Variants in WNT9A observed in about 807,000 individuals in gnomAD.
WNT9A encodes Wnt family member 9A.
In WNT9A, 8 loss-of-function variants were observed where a neutral mutation model predicts 31.4. The ratio of observed to expected loss-of-function variants is 0.26; its 90% CI spans 0.15 to 0.46. The LOEUF (loss-of-function observed/expected upper bound fraction) is 0.46, where lower values mean the gene tolerates loss of function less well. Among genes scored for constraint, WNT9A ranks in the 20% least tolerant of loss-of-function variants. The pLI, the probability that WNT9A is intolerant of heterozygous loss-of-function variation, is 0.99. For synonymous variants in WNT9A, 236 were observed against 220.1 expected, an observed-to-expected ratio of 1.07 and a Z score of -0.64; for missense variants, 457 against 522.9, an observed-to-expected ratio of 0.87 and a Z score of 1.23.
chr1:227,940,112 A>G (rs1197646014), intron 1 of WNT9A, among the ~76,000 whole-genome samples: 1 of 152,086 alleles, frequency 6.6e-6, no homozygotes, highest in African/African-American at 2.4e-5. Context: ...CAGCCCCTGG[A>G]ATAAGCCCTG....
intron 1 of WNT9A, among the ~76,000 whole-genome samples, chr1:227,927,509 A>G (rs1474283998): frequency 6.6e-6 from 1 of 152,154 alleles, no homozygotes; most frequent in Non-Finnish European, 1.5e-5. Context: ...ACAGGAGCAC[A>G]GGGCGGCACT....
chr1:227,930,976 G>C (rs1463179509), intron 1 of WNT9A, among the ~76,000 whole-genome samples: 2 of 150,158 alleles, frequency 1.3e-5, no homozygotes, highest in African/African-American at 4.9e-5. Flanking sequence ...TCTAGCCTGG[G>C]TGACAAGGGT....
intron 1 of WNT9A, among the ~76,000 whole-genome samples, chr1:227,932,634 G>C (rs576599076): frequency 6.6e-6 from 1 of 152,180 alleles, no homozygotes; most frequent in Non-Finnish European, 1.5e-5. Flanking sequence ...CTTATGAAAT[G>C]TCTTAAATAG....
In WNT9A at chr1:227,940,887, G is replaced by A. The variant is rs373194150; in HGVS notation, c.95+6906C>T. The stretch of plus-strand genomic sequence containing the variant: ...AGGCTGCAGGTCACGGGGCCGGGGC[G>A]GCCCAGTGCCACCCAGGTCAGCAGG... On this transcript the variant is annotated intron_variant, in intron 1 of 3. Coordinates refer to ENST00000272164, the MANE Select transcript of WNT9A (RefSeq NM_003395.4). Among the ~76,000 whole-genome samples, 7 of 152,304 alleles carry A rather than the reference G, an allele frequency of 4.6e-5. No individual in the cohort carries two copies. In the East Asian group the frequency reaches 7.8e-4, roughly 17 times the overall value.
chr1:227,925,390 G>C lies in WNT9A; in HGVS notation c.225C>G (p.Asp75Glu). 3.7e-6 allele frequency: 6 copies of C among 1,610,712 alleles called. No homozygotes were observed. Among genetic ancestry groups the C allele is most frequent in the Non-Finnish European group, 5.1e-6 (6 of 1,179,414 alleles). Residue 75 changes from aspartate to glutamate, a missense_variant, in exon 2 of 4, where the codon GAC (aspartate) becomes GAG (glutamate). Physicochemically the swap from Asp to Glu is conservative, Grantham distance 45. Coordinates refer to ENST00000272164, the MANE Select transcript of WNT9A (RefSeq NM_003395.4). This position sits in a 1 kb window ranked among gnomAD's most constrained non-coding sequence, Gnocchi z 6.0. ...ERKQRRMCRR[D>E]PGVAETLVEA... is the part of the protein sequence containing the mutation. Reference sequence around the variant, plus strand: ...CCACCAGCGTCTCTGCCACGCCCGGGTCCCGGCGGCACATGCGCCGCTGCT... The same window carrying C: ...CCACCAGCGTCTCTGCCACGCCCGGCTCCCGGCGGCACATGCGCCGCTGCT...
intron 1 of WNT9A, among the ~76,000 whole-genome samples, chr1:227,941,008 C>T (rs916501859): frequency 6.6e-6 from 1 of 152,270 alleles, no homozygotes; most frequent in Admixed American, 6.5e-5. Context: ...GGGTCACGTC[C>T]CCGCCGGGGC....
At chr1:227,946,687 T>G (rs958178179) in intron 1 of WNT9A, among the ~76,000 whole-genome samples, 4 of 152,232 alleles carry the variant, frequency 2.6e-5, no homozygotes, top group Non-Finnish European at 4.4e-5. Flanking sequence ...AATATTTTAT[T>G]TTCTTTGAGA....
At position 227,931,880 on chromosome 1, in the gene WNT9A, CT is replaced by C. The variant is rs33949354; in HGVS notation, c.96-6362del. ...AAGTTTGGGGTGGCTGTGGAAATGT[CT>C]TTTTTTTTTTTTTGTATCTTTAGTA... is the stretch of plus-strand genomic sequence containing the variant. On this transcript the variant is annotated intron_variant, in intron 1 of 3. Coordinates refer to ENST00000272164, the MANE Select transcript of WNT9A (RefSeq NM_003395.4). Among the ~76,000 whole-genome samples, 769 of 142,534 alleles carry C rather than the reference CT, an allele frequency of 5.4e-3. 6 individuals are homozygous for C. Among genetic ancestry groups the C allele is most frequent in the African/African-American group, 0.015 (573 of 38,758 alleles). 93.5% of individuals were successfully genotyped at this position (142,534 alleles called of 152,430 possible). A position where few individuals can be genotyped will look rare whatever the true frequency, so the allele number is the denominator to read the frequency against.
rs1558257428 is a variant in WNT9A, at chr1:227,921,336, G to A, written c.*182C>T. On this transcript the variant is annotated 3_prime_UTR_variant, in exon 4 of 4. Transcript: ENST00000272164. Reference sequence around the variant, plus strand: ...TGAGCCCAGGGACTCACCCCACGCTGCTAGGTCTGAGCCCAGGGACTCAGC... The same window carrying A: ...TGAGCCCAGGGACTCACCCCACGCTACTAGGTCTGAGCCCAGGGACTCAGC... 1 of 955,326 alleles carries A rather than the reference G, an allele frequency of 1.0e-6. No homozygotes were observed. The highest frequency in any genetic ancestry group is 2.6e-5 in the East Asian group (1 of 38,530). The allele number at this position is 955,326 out of a possible 1,614,324, so 59.2% of individuals were successfully genotyped here. A position where few individuals can be genotyped will look rare whatever the true frequency, so the allele number is the denominator to read the frequency against.
Position 227,928,810 on chromosome 1 carries a change from G to C in WNT9A, c.96-3291C>G, listed in dbSNP as rs1666461890. On this transcript the variant is annotated intron_variant, in intron 1 of 3. Coordinates refer to ENST00000272164, the MANE Select transcript of WNT9A (RefSeq NM_003395.4). This position sits in a 1 kb window ranked among gnomAD's most constrained non-coding sequence, Gnocchi z 4.5. ...TGGTTCCCAACACAACCTCAGAACA[G>C]AGAAGCTTTCTTCCGTGAGACTCAG... is the stretch of plus-strand genomic sequence containing the variant. Among the ~76,000 whole-genome samples the C allele has an allele frequency of 6.6e-6, 1 of 152,224 alleles. No individual in the cohort carries two copies. Among genetic ancestry groups the C allele is most frequent in the African/African-American group, 2.4e-5 (1 of 41,446 alleles).
intron 1 of WNT9A, among the ~76,000 whole-genome samples, chr1:227,937,939 AG>A (rs1666623493): frequency 6.6e-6 from 1 of 152,210 alleles, no homozygotes; most frequent in Non-Finnish European, 1.5e-5. Context: ...GCATGAGGCC[AG>A]GGCCCGGGAC....
chr1:227,928,252 C>T lies in WNT9A; in HGVS notation c.96-2733G>A, dbSNP rs1389074156. On this transcript the variant is annotated intron_variant, in intron 1 of 3. Coordinates refer to ENST00000272164, the MANE Select transcript of WNT9A (RefSeq NM_003395.4). The surrounding 1 kb of genome is among the most constrained non-coding windows in gnomAD (Gnocchi z 4.5). ...GGAGACTTGCCGGGCAGCTGCCCTC[C>T]CCTCTGGCCCCAGGACACCCCTCTA... is the stretch of plus-strand genomic sequence containing the variant. Among the ~76,000 whole-genome samples the T allele has an allele frequency of 6.6e-6, 1 of 152,090 alleles. No individual in the cohort carries two copies. The highest frequency in any genetic ancestry group is 2.4e-5 in the African/African-American group (1 of 41,404).
chr1:227,936,247 G>A (rs1666593833), intron 1 of WNT9A, among the ~76,000 whole-genome samples: 1 of 151,836 alleles, frequency 6.6e-6, no homozygotes, highest in Non-Finnish European at 1.5e-5. Context: ...GGAGTGCAGT[G>A]GTGCCATCTC....
rs535293846 is a variant in WNT9A, at chr1:227,920,231, AG to A, written c.*1286del. 4 of 152,406 alleles carry A rather than the reference AG, an allele frequency of 2.6e-5. No individual in the cohort carries two copies. The highest frequency in any genetic ancestry group is 9.6e-5 in the African/African-American group (4 of 41,586). The allele number at this position is 152,406 out of a possible 1,614,324, so 9.4% of individuals were successfully genotyped here. ...CATGGGGCTGGGGGAGCTGGCTTCC[AG>A]AAGCCCCAAGGGCTGTGGCCAGACG... On this transcript the variant is annotated 3_prime_UTR_variant, in exon 4 of 4. Coordinates refer to ENST00000272164, the MANE Select transcript of WNT9A (RefSeq NM_003395.4).
rs921488714 is a variant in WNT9A, at chr1:227,926,528, C to G, written c.96-1009G>C. On this transcript the variant is annotated intron_variant, in intron 1 of 3. Coordinates refer to ENST00000272164, the MANE Select transcript of WNT9A (RefSeq NM_003395.4). The surrounding 1 kb of genome is among the most constrained non-coding windows in gnomAD (Gnocchi z 5.0). ...TCTATCCTGGGACTGACCGAGCATG[C>G]TCTGCAGCTCTGTGTCAGACCTGCC... Among the ~76,000 whole-genome samples, 13 of 152,114 alleles carry G rather than the reference C, an allele frequency of 8.5e-5. No individual in the cohort carries two copies. The highest frequency in any genetic ancestry group is 1.8e-4 in the Non-Finnish European group (12 of 68,020).
In WNT9A at chr1:227,942,228, C is replaced by T. The variant is rs1181014772; in HGVS notation, c.95+5565G>A. Among the ~76,000 whole-genome samples the T allele has an allele frequency of 6.6e-6, 1 of 152,184 alleles. No homozygotes were observed. The highest frequency in any genetic ancestry group is 1.9e-4 in the East Asian group (1 of 5,188). ...GTGGACAGGACATCTGCTCCCTCAG[C>T]TGTGGCAGGCCAGGCACTGCTGCTC... On this transcript the variant is annotated intron_variant, in intron 1 of 3. Coordinates refer to ENST00000272164, the MANE Select transcript of WNT9A (RefSeq NM_003395.4). This position sits in a 1 kb window ranked among gnomAD's most constrained non-coding sequence, Gnocchi z 5.7.
chr1:227,937,435 G>A (rs1434119700), intron 1 of WNT9A, among the ~76,000 whole-genome samples: 4 of 152,372 alleles, frequency 2.6e-5, no homozygotes, highest in East Asian at 3.9e-4. Flanking sequence ...CACCAAATGC[G>A]TCTAACGCAA....
intron 1 of WNT9A, among the ~76,000 whole-genome samples, chr1:227,939,152 G>A (rs1217021719): frequency 1.3e-5 from 2 of 152,236 alleles, no homozygotes; most frequent in Non-Finnish European, 2.9e-5. Context: ...ACGTGGCTGC[G>A]GCTGCCATGC....
intron 1 of WNT9A, among the ~76,000 whole-genome samples, chr1:227,943,102 TGCGGGG>T (rs1666734815): frequency 6.6e-6 from 1 of 152,208 alleles, no homozygotes; most frequent in African/African-American, 2.4e-5. Flanking sequence ...TCTTGGACCC[TGCGGGG>T]TCTGATGTTG....
Sources: allele counts gnomAD v4.1 joint callset (sites outside exome capture counted in the v4.1 genomes callset), GRCh38; gene constraint gnomAD v4.1.1; non-coding constraint Gnocchi (gnomAD v3.1); transcripts MANE v1.5; gene names NCBI Gene and HGNC (gene_info 2026-07-23, HGNC 2026-07-21).